The following GLB1L2 variants were observed in gnomAD, a reference collection of about 807,000 sequenced individuals.
GLB1L2 encodes galactosidase beta 1 like 2.
A neutral mutation model predicts 84.1 loss-of-function variants in GLB1L2; 68 were observed. The observed-to-expected ratio is 0.81, with a 90% CI of 0.67 to 0.99. GLB1L2 has a LOEUF of 0.99. GLB1L2 is among the 50% of genes least tolerant of loss of function. GLB1L2 has a pLI of 0.00. For synonymous variants in GLB1L2, 290 were observed against 318.0 expected, an observed-to-expected ratio of 0.91 and a Z score of 0.94; for missense variants, 762 against 805.6, an observed-to-expected ratio of 0.95 and a Z score of 0.66.
chr11:134,364,423 C>A lies in GLB1L2; in HGVS notation c.804+25C>A, dbSNP rs201749594. 1,552 of 1,577,726 alleles carry A rather than the reference C, an allele frequency of 9.8e-4. 1 individual carries two copies. The highest frequency in any genetic ancestry group is 1.3e-3 in the Non-Finnish European group (1,489 of 1,149,596). The stretch of plus-strand genomic sequence containing the variant: ...GGTAAGTCCAGCCCCAGGGAAGCTG[C>A]GGCCCGCCCTGCTCAGCGGCCTATG... On this transcript the variant is annotated intron_variant, in intron 8 of 18. Transcript: ENST00000535456.
In GLB1L2 at chr11:134,338,184, G is replaced by C. The variant is rs1943414061; in HGVS notation, c.87-4570G>C. On this transcript the variant is annotated intron_variant, in intron 1 of 18. Coordinates refer to ENST00000535456, the MANE Select transcript of GLB1L2 (RefSeq NM_001370461.1). This position sits in a 1 kb window ranked among gnomAD's most constrained non-coding sequence, Gnocchi z 6.2. ...CATGGATCCTGGCCTATCTGTGTCT[G>C]GTCATACTCTGCATGGCAGACCAGA... is the stretch of plus-strand genomic sequence containing the variant. 6.6e-6 allele frequency among the ~76,000 whole-genome samples: 1 copy of C among 152,136 alleles called. No individual in the cohort carries two copies. Among genetic ancestry groups the C allele is most frequent in the African/African-American group, 2.4e-5 (1 of 41,424 alleles).
chr11:134,340,758 C>T (rs868179113), intron 1 of GLB1L2, among the ~76,000 whole-genome samples: 16 of 152,314 alleles, frequency 1.1e-4, no homozygotes, highest in Middle Eastern at 3.4e-3. Flanking sequence ...AAAAGCCATT[C>T]GTAGATGGTG....
Position 134,370,656 on chromosome 11 carries a change from T to C in GLB1L2, c.1215+257T>C, listed in dbSNP as rs920907661. Among the ~76,000 whole-genome samples, 9 of 152,054 alleles carry C rather than the reference T, an allele frequency of 5.9e-5. No individual in the cohort carries two copies. The highest frequency in any genetic ancestry group is 1.3e-4 in the Non-Finnish European group (9 of 67,986). ...GTGAAGTGGGAGAAACAGAGGTCCC[T>C]GAGGAACAGCGGCTGGCCCCGTGGG... On this transcript the variant is annotated intron_variant, in intron 12 of 18. Transcript: ENST00000535456. This position sits in a 1 kb window ranked among gnomAD's most constrained non-coding sequence, Gnocchi z 4.7.
intron 6 of GLB1L2, among the ~76,000 whole-genome samples, chr11:134,358,574 G>A (rs1164483489): frequency 6.6e-6 from 1 of 152,292 alleles, no homozygotes; most frequent in Non-Finnish European, 1.5e-5. Flanking sequence ...GGGCATGGTG[G>A]GCCCTCCTGG....
At chr11:134,365,371 G>T (rs1943855791) in intron 8 of GLB1L2, among the ~76,000 whole-genome samples, 1 of 152,178 alleles carries the variant, frequency 6.6e-6, no homozygotes, top group African/African-American at 2.4e-5. Context: ...TCCTTTCTTG[G>T]CATTTCCTGA....
intron 6 of GLB1L2, among the ~76,000 whole-genome samples, chr11:134,357,618 C>A (rs138537055): frequency 2.6e-5 from 4 of 152,254 alleles, no homozygotes; most frequent in Non-Finnish European, 4.4e-5. Flanking sequence ...GAGAGCCCCA[C>A]GAGAGGAGAG....
Position 134,374,612 on chromosome 11 carries a change from A to C in GLB1L2, c.1718A>C (p.Lys573Thr). The C allele has an allele frequency of 6.2e-7, 1 of 1,613,680 alleles. No homozygotes were observed. The highest frequency in any genetic ancestry group is 8.5e-7 in the Non-Finnish European group (1 of 1,179,646). The change falls in exon 18 of 19, where the codon AAG (lysine) becomes ACG (threonine). Residue 573 changes from lysine (K) to threonine (T), a missense_variant. By Grantham distance (78) the Lys-to-Thr change is moderately conservative. Coordinates refer to ENST00000535456, the MANE Select transcript of GLB1L2 (RefSeq NM_001370461.1). Reference sequence around the variant, plus strand: ...CCCCTCTGTTTCAAGGGCTGGGAGAAGGGGGTTGTATTCATCAATGGCCAG... The same window carrying C: ...CCCCTCTGTTTCAAGGGCTGGGAGACGGGGGTTGTATTCATCAATGGCCAG... Reference protein sequence around the residue: ...DTFLKLEGWEKGVVFINGQNL... With the variant: ...DTFLKLEGWETGVVFINGQNL...
At chr11:134,335,147 A>T (rs1227100289) in intron 1 of GLB1L2, among the ~76,000 whole-genome samples, 5 of 151,844 alleles carry the variant, frequency 3.3e-5, no homozygotes, top group Non-Finnish European at 4.4e-5. Flanking sequence ...CAGACCCCAA[A>T]TTCTTCCTAT....
intron 2 of GLB1L2, 54 bp from the exon 3 acceptor site, chr11:134,344,333 G>T: frequency 1.3e-6 from 2 of 1,598,372 alleles, no homozygotes; most frequent in Non-Finnish European, 1.7e-6. Flanking sequence ...TAATGTGAGA[G>T]GTGAAATGGA....
In GLB1L2 at chr11:134,370,756, G is replaced by T. The variant is rs1294757113; in HGVS notation, c.1216-252G>T. The stretch of plus-strand genomic sequence containing the variant: ...GCCGTCCCCTCCCCAAGAAGGGGGT[G>T]CCTCCTCCGGCGGACTGAGGCTGTG... On this transcript the variant is annotated intron_variant, in intron 12 of 18. Coordinates refer to ENST00000535456, the MANE Select transcript of GLB1L2 (RefSeq NM_001370461.1). This position sits in a 1 kb window ranked among gnomAD's most constrained non-coding sequence, Gnocchi z 4.7. Among the ~76,000 whole-genome samples the T allele has an allele frequency of 6.6e-6, 1 of 152,166 alleles. No individual in the cohort carries two copies. Among genetic ancestry groups the T allele is most frequent in the Non-Finnish European group, 1.5e-5 (1 of 68,020 alleles).
Position 134,332,112 on chromosome 11 carries a change from G to A in GLB1L2, c.51G>A (p.Leu17=), listed in dbSNP as rs755788266. ...GGCCGGCCCGCACGCTGGGACTCCT[G>A]CTGCTGGTCGTCTTGGGCTTCCTGG... The part of the protein sequence containing the change: ...RRRPARTLGL[L]LLVVLGFLVL... The change falls in exon 1 of 19, where the codon CTG becomes CTA. Residue 17 remains leucine (L), a synonymous_variant. Coordinates refer to ENST00000535456, the MANE Select transcript of GLB1L2 (RefSeq NM_001370461.1). The A allele has an allele frequency of 1.3e-6, 2 of 1,589,898 alleles. No individual in the cohort carries two copies. Among genetic ancestry groups the A allele is most frequent in the Non-Finnish European group, 1.7e-6 (2 of 1,170,092 alleles).
intron 8 of GLB1L2, among the ~76,000 whole-genome samples, chr11:134,366,280 G>A (rs940059569): frequency 7.2e-5 from 11 of 152,212 alleles, no homozygotes; most frequent in African/African-American, 2.4e-4. Flanking sequence ...TAGGTGGCTT[G>A]TAAAGAAAAC....
chr11:134,362,012 C>A (rs547983405), intron 7 of GLB1L2, among the ~76,000 whole-genome samples: 2 of 152,294 alleles, frequency 1.3e-5, no homozygotes, highest in East Asian at 1.9e-4. Context: ...GTGGGCCGTG[C>A]GGGTTGTGCG....
chr11:134,371,845 G>A lies in GLB1L2; in HGVS notation c.1507+15G>A. 3 of 1,612,782 alleles carry A rather than the reference G, an allele frequency of 1.9e-6. No homozygotes were observed. Among genetic ancestry groups the A allele is most frequent in the African/African-American group, 2.7e-5 (2 of 75,022 alleles). On this transcript the variant is annotated intron_variant, in intron 15 of 18. Transcript: ENST00000535456. ...CCAGCGCAAAGGTGGGTCCCAGAAT[G>A]TGTCAAAAGAAGAGTGGCCATGCTG...
At chr11:134,343,870 G>T (rs1943506532) in intron 2 of GLB1L2, among the ~76,000 whole-genome samples, 1 of 152,212 alleles carries the variant, frequency 6.6e-6, no homozygotes, top group South Asian at 2.1e-4. Flanking sequence ...CCAGCGATGG[G>T]GTGGGGCCGG....
intron 7 of GLB1L2, among the ~76,000 whole-genome samples, chr11:134,362,896 C>T (rs895216146): frequency 2.6e-5 from 4 of 152,174 alleles, no homozygotes; most frequent in Non-Finnish European, 5.9e-5. Flanking sequence ...GTCACCCCTT[C>T]CGCACTCCTA....
At chr11:134,343,065 C>A in intron 2 of GLB1L2, 114 bp downstream of exon 2, 1 of 1,035,698 alleles carries the variant, frequency 9.7e-7, no homozygotes, top group Non-Finnish European at 1.4e-6. Context: ...GGCGAGAGAG[C>A]CAGGGTCTCC....
At chr11:134,344,051 AGCTTT>A (rs1337218713) in intron 2 of GLB1L2, among the ~76,000 whole-genome samples, 1 of 152,214 alleles carries the variant, frequency 6.6e-6, no homozygotes, top group African/African-American at 2.4e-5. Context: ...ATGATCACCG[AGCTTT>A]CCCCTTACTC....
intron 16 of GLB1L2, 139 bp from the exon 17 acceptor site, chr11:134,374,006 C>G (rs562649292): frequency 2.7e-6 from 2 of 745,650 alleles, no homozygotes; most frequent in Non-Finnish European, 4.6e-6. Flanking sequence ...AGCATCCTAC[C>G]GTGCTGCCAT....
Sources: allele counts gnomAD v4.1 joint callset (sites outside exome capture counted in the v4.1 genomes callset), GRCh38; gene constraint gnomAD v4.1.1; non-coding constraint Gnocchi (gnomAD v3.1); transcripts MANE v1.5; gene names NCBI Gene and HGNC (gene_info 2026-07-23, HGNC 2026-07-21).